DENND1B: variants seen among roughly 807,000 people sequenced by gnomAD.
DENND1B encodes the protein DENN domain-containing protein 1B.
Under a neutral mutation model 90.1 loss-of-function variants are expected in DENND1B, and 59 were observed. The ratio of observed to expected loss-of-function variants is 0.65; its 90% confidence interval spans 0.53 to 0.81. The LOEUF (loss-of-function observed/expected upper bound fraction) is 0.81. Ranked by LOEUF, DENND1B falls within the 40% of genes least tolerant of loss-of-function variation. The pLI is 0.00. For synonymous variants in DENND1B, 337 were observed against 324.6 expected (o/e 1.04, Z -0.41); for missense variants, 862 against 912.6 (o/e 0.94, Z 0.71).
chr1:197,778,572 G>A (rs980640147), upstream of DENND1B, among the ~76,000 whole-genome samples: 5 of 152,002 alleles, frequency 3.3e-5, no homozygotes, highest in Admixed American at 6.6e-5. Flanking sequence ...AGATAATAAG[G>A]AGGCTGAGGC....
chr1:197,747,622 C>G (rs1326074129), intron 2 of DENND1B, among the ~76,000 whole-genome samples: 1 of 152,174 alleles, frequency 6.6e-6, no homozygotes, highest in African/African-American at 2.4e-5. Flanking sequence ...TGCTACAAAC[C>G]TTCAGTTTTT....
chr1:197,763,031 A>G (rs1454494325), intron 2 of DENND1B, among the ~76,000 whole-genome samples: 1 of 152,188 alleles, frequency 6.6e-6, no homozygotes, highest in African/African-American at 2.4e-5. Flanking sequence ...GACATCTGCC[A>G]GCTTGGCGGT....
intron 2 of DENND1B, among the ~76,000 whole-genome samples, chr1:197,716,325 A>T (rs1212460983): frequency 6.6e-6 from 1 of 151,756 alleles, no homozygotes. Flanking sequence ...AGGACTAAAA[A>T]GTTTCCATAT....
At chr1:197,765,866 C>T (rs1244735305) in intron 2 of DENND1B, among the ~76,000 whole-genome samples, 1 of 152,202 alleles carries the variant, frequency 6.6e-6, no homozygotes, top group Admixed American at 6.5e-5. Flanking sequence ...ATTTGCAACA[C>T]ACCTATGAAA....
At chr1:197,645,015 C>T (rs1680606990) in intron 9 of DENND1B, among the ~76,000 whole-genome samples, 1 of 151,886 alleles carries the variant, frequency 6.6e-6, no homozygotes, top group South Asian at 2.1e-4. Flanking sequence ...ATCATAAAAG[C>T]ATATTTGTTA....
chr1:197,770,168 A>G (rs918731067), intron 2 of DENND1B, among the ~76,000 whole-genome samples: 1 of 152,166 alleles, frequency 6.6e-6, no homozygotes, highest in Non-Finnish European at 1.5e-5. Context: ...TATCTTTAGA[A>G]TTTTCTGCCA....
intron 2 of DENND1B, among the ~76,000 whole-genome samples, chr1:197,759,742 C>CA (rs1196523150): frequency 0.13 from 4,769 of 37,090 alleles, 679 homozygotes; most frequent in Non-Finnish European, 0.17. Flanking sequence ...GACTCCGTCT[C>CA]AAAAAAAAAA....
rs1195062327 is a variant in DENND1B, at chr1:197,583,265, T to C, written c.1048-12A>G. The C allele has an allele frequency of 1.2e-6, 2 of 1,612,384 alleles. No individual in the cohort carries two copies. The highest frequency in any genetic ancestry group is 2.2e-5 in the South Asian group (2 of 91,006). On this transcript the variant is annotated splice_polypyrimidine_tract_variant and intron_variant, in intron 14 of 22. Transcript: ENST00000620048. ...GTGATGGGCTCACCCTAGATAGAAA[T>C]AAAGATTTTAAGGGCATCAATAAAA... is the stretch of plus-strand genomic sequence containing the variant.
chr1:197,527,311 T>G lies in DENND1B; in HGVS notation c.1515+12653A>C, dbSNP rs1364340768. ...AGTTGATCACTTGAAGGTTTTTTTT[T>G]GTTTTTGTTTTTTTTCTGAGGCAGA... On this transcript the variant is annotated intron_variant, in intron 20 of 22. Transcript: ENST00000620048. Among the ~76,000 whole-genome samples the G allele has an allele frequency of 4.5e-5, 5 of 110,242 alleles. 1 individual carries two copies. The highest frequency in any genetic ancestry group is 2.8e-4 in the South Asian group (1 of 3,588). The allele number at this position is 110,242 out of a possible 152,430, so 72.3% of individuals were successfully genotyped here.
At chr1:197,557,608 A>G (rs1200991869) in intron 15 of DENND1B, among the ~76,000 whole-genome samples, 1 of 151,968 alleles carries the variant, frequency 6.6e-6, no homozygotes, top group African/African-American at 2.4e-5. Flanking sequence ...ACAATGAGTG[A>G]AAATGTTTGT....
intron 3 of DENND1B, among the ~76,000 whole-genome samples, chr1:197,685,144 A>T (rs935051381): frequency 5.3e-5 from 8 of 151,998 alleles, no homozygotes; most frequent in African/African-American, 1.9e-4. Flanking sequence ...CAAAACAAAA[A>T]CTGAAGCAAA....
At chr1:197,611,226 C>T (rs1677156019) in intron 12 of DENND1B, among the ~76,000 whole-genome samples, 1 of 150,772 alleles carries the variant, frequency 6.6e-6, no homozygotes, top group Non-Finnish European at 1.5e-5. Context: ...ACTCAATTGA[C>T]CCAAGACTTT....
chr1:197,651,725 G>A (rs1378574665), intron 7 of DENND1B, among the ~76,000 whole-genome samples: 3 of 135,646 alleles, frequency 2.2e-5, no homozygotes, highest in East Asian at 4.7e-4. Context: ...ACACGATCTC[G>A]GCTCACTGCA....
At chr1:197,668,417 A>G (rs1287069005) in intron 5 of DENND1B, among the ~76,000 whole-genome samples, 2 of 151,668 alleles carry the variant, frequency 1.3e-5, no homozygotes, top group Non-Finnish European at 2.9e-5. Context: ...AGAGGAGGTT[A>G]CAAAATGTAC....
intron 16 of DENND1B, among the ~76,000 whole-genome samples, chr1:197,549,490 A>G (rs1303156613): frequency 6.6e-6 from 1 of 152,198 alleles, no homozygotes; most frequent in Non-Finnish European, 1.5e-5. Context: ...ACTCCTCATA[A>G]AATGAATCTG....
At chr1:197,753,681 T>C (rs1653868970) in intron 2 of DENND1B, among the ~76,000 whole-genome samples, 1 of 152,054 alleles carries the variant, frequency 6.6e-6, no homozygotes, top group Non-Finnish European at 1.5e-5. Flanking sequence ...CATGCAATTT[T>C]GCTATGAACC....
intron 12 of DENND1B, among the ~76,000 whole-genome samples, chr1:197,609,477 T>C (rs1187488791): frequency 6.6e-6 from 1 of 150,606 alleles, no homozygotes; most frequent in African/African-American, 2.4e-5. Flanking sequence ...TTAGTCTGCC[T>C]TGAGTTCATC....
At position 197,509,917 on chromosome 1, in the gene DENND1B, T is replaced by A. The variant is rs569560028; in HGVS notation, c.*543A>T. ...ATCTTGAAAAGATGAATTTTGACCT[T>A]GATTTGATGAATAGAAAAAGGCATT... On this transcript the variant is annotated 3_prime_UTR_variant, in exon 23 of 23. Transcript: ENST00000620048. The A allele has an allele frequency of 2.0e-5, 3 of 152,086 alleles. No individual in the cohort carries two copies. The highest frequency in any genetic ancestry group is 4.4e-5 in the Non-Finnish European group (3 of 67,818). The allele number at this position is 152,086 out of a possible 1,614,324, so 9.4% of individuals were successfully genotyped here. A position where few individuals can be genotyped will look rare whatever the true frequency, so the allele number is the denominator to read the frequency against.
intron 10 of DENND1B, among the ~76,000 whole-genome samples, chr1:197,636,082 G>A (rs1679763988): frequency 6.6e-6 from 1 of 152,026 alleles, no homozygotes; most frequent in Admixed American, 6.6e-5. Flanking sequence ...TTTAGAATCA[G>A]ATAATGGATA....
Sources: gnomAD v4.1 joint callset for allele counts (sites outside exome capture counted in the v4.1 genomes callset) on GRCh38, gnomAD v4.1.1 for gene constraint, MANE v1.5 for transcripts, NCBI Gene and HGNC (gene_info 2026-07-23, HGNC 2026-07-21) for gene names.